Variants in PLCB1 observed in about 807,000 individuals in gnomAD.
PLCB1 encodes phospholipase C beta 1.
Under a neutral mutation model 161.8 loss-of-function variants are expected in PLCB1, and 46 were observed. The ratio of observed to expected loss-of-function variants is 0.28; its 90% CI spans 0.22 to 0.36. The LOEUF (loss-of-function observed/expected upper bound fraction) is 0.36, where lower values mean the gene tolerates loss of function less well. PLCB1 is among the 10% of genes least tolerant of loss of function. PLCB1 has a pLI of 1.00. For synonymous variants in PLCB1, 517 were observed against 503.7 expected (o/e 1.03, Z -0.35); for missense variants, 1,016 against 1,472.5 (o/e 0.69, Z 5.07).
intron 2 of PLCB1, among the ~76,000 whole-genome samples, chr20:8,264,870 T>C (rs1981876776): frequency 6.6e-6 from 1 of 152,144 alleles, no homozygotes; most frequent in Admixed American, 6.6e-5. Flanking sequence ...TCTAAAGAAT[T>C]TTGGTGCTTT....
rs189938093 is a variant in PLCB1 at position 8,831,642 on chromosome 20, A to G, written c.3423+41381A>G. On this transcript the variant is annotated intron_variant, in intron 31 of 31. Coordinates refer to ENST00000338037, the MANE Select transcript of PLCB1 (RefSeq NM_015192.4). ...AGTTTTCGTTGTTACTTATTTATTT[A>G]TTTTAGAGACAAACTCTCACTCTGT... 4.6e-5 allele frequency among the ~76,000 whole-genome samples: 7 copies of G among 152,116 alleles called. No homozygotes were observed. The East Asian group carries it at 1.2e-3, about 25-fold the overall frequency.
chr20:8,855,224 A>C (rs1413481649), intron 31 of PLCB1, among the ~76,000 whole-genome samples: 1 of 151,050 alleles, frequency 6.6e-6, no homozygotes, highest in African/African-American at 2.5e-5. Flanking sequence ...TTCCCCCCCC[A>C]CTCACTCCCA....
chr20:8,794,413 C>T (rs1420394524), intron 31 of PLCB1, among the ~76,000 whole-genome samples: 1 of 152,240 alleles, frequency 6.6e-6, no homozygotes, highest in Non-Finnish European at 1.5e-5. Context: ...CCACGTTCTT[C>T]TGCCATGGCT....
At chr20:8,173,516 A>C (rs1295846586) in intron 2 of PLCB1, among the ~76,000 whole-genome samples, 2 of 152,196 alleles carry the variant, frequency 1.3e-5, no homozygotes, top group African/African-American at 4.8e-5. Flanking sequence ...AACTTAAACC[A>C]GGGTGACTAC....
At chr20:8,368,299 G>A (rs771605819) in intron 2 of PLCB1, among the ~76,000 whole-genome samples, 11 of 152,016 alleles carry the variant, frequency 7.2e-5, no homozygotes, top group Non-Finnish European at 1.0e-4. Context: ...AGCCCGAGGC[G>A]AGTGGATCAC....
intron 6 of PLCB1, among the ~76,000 whole-genome samples, chr20:8,648,819 T>C (rs1989234781): frequency 6.6e-6 from 1 of 151,922 alleles, no homozygotes; most frequent in Admixed American, 6.5e-5. Flanking sequence ...CACATGCCTG[T>C]AGTTCTAACT....
At chr20:8,315,751 C>T (rs1984616532) in intron 2 of PLCB1, among the ~76,000 whole-genome samples, 1 of 152,126 alleles carries the variant, frequency 6.6e-6, no homozygotes, top group Non-Finnish European at 1.5e-5. Flanking sequence ...GACAGCCAGC[C>T]AAGCCAAAAT....
At chr20:8,208,875 A>G (rs900473797) in intron 2 of PLCB1, among the ~76,000 whole-genome samples, 1 of 152,174 alleles carries the variant, frequency 6.6e-6, no homozygotes, top group Non-Finnish European at 1.5e-5. Flanking sequence ...ATCCAAAGCC[A>G]CTGATCAATT....
At chr20:8,551,361 A>T (rs1240747675) in intron 3 of PLCB1, among the ~76,000 whole-genome samples, 1 of 152,182 alleles carries the variant, frequency 6.6e-6, no homozygotes, top group Non-Finnish European at 1.5e-5. Flanking sequence ...GTTTTTATGT[A>T]CTTTGTGTTC....
chr20:8,781,872 C>T (rs1351125512), intron 27 of PLCB1, among the ~76,000 whole-genome samples: 1 of 152,004 alleles, frequency 6.6e-6, no homozygotes, highest in Non-Finnish European at 1.5e-5. Flanking sequence ...AAAGACCCAC[C>T]CCCATAATTC....
At chr20:8,867,653 G>A (rs150128059) in intron 31 of PLCB1, among the ~76,000 whole-genome samples, 43 of 152,168 alleles carry the variant, frequency 2.8e-4, no homozygotes, top group African/African-American at 9.2e-4. Context: ...CCTCATGTGC[G>A]GCTAAATCAG....
chr20:8,822,309 AG>A, intron 31 of PLCB1, among the ~76,000 whole-genome samples: 1 of 152,324 alleles, frequency 6.6e-6, no homozygotes, highest in Admixed American at 6.5e-5. Flanking sequence ...TTCATCCAAA[AG>A]ATATTTATTA....
At chr20:8,223,221 T>C (rs1979507805) in intron 2 of PLCB1, among the ~76,000 whole-genome samples, 2 of 152,206 alleles carry the variant, frequency 1.3e-5, no homozygotes, top group African/African-American at 4.8e-5. Context: ...TCAGGGAATT[T>C]GTGCTTCAGA....
chr20:8,630,005 T>TCTTTCTTTCTTC lies in PLCB1; in HGVS notation c.384+1580_384+1581insTTCTTCCTTTCT, dbSNP rs746185755. Reference sequence around the variant, plus strand: ...TTCTTTCTTTCTTTCTTTCTTTCTTTCTTTCTCTTTCTTCTTTCCTTTCTT... The same window carrying TCTTTCTTTCTTC: ...TTCTTTCTTTCTTTCTTTCTTTCTTTCTTTCTTTCTTCCTTTCTCTTTCTTCTTTCCTTTCTT... On this transcript the variant is annotated intron_variant, in intron 4 of 31. Transcript: ENST00000338037. Among the ~76,000 whole-genome samples, 179 of 122,974 alleles carry TCTTTCTTTCTTC rather than the reference T, an allele frequency of 1.5e-3. 2 individuals are homozygous for TCTTTCTTTCTTC. The highest frequency in any genetic ancestry group is 4.3e-3 in the Middle Eastern group (1 of 234). The allele number at this position is 122,974 out of a possible 152,430, so 80.7% of individuals were successfully genotyped here.
chr20:8,838,284 C>T (rs1321340849), intron 31 of PLCB1, among the ~76,000 whole-genome samples: 1 of 152,072 alleles, frequency 6.6e-6, no homozygotes, highest in Admixed American at 6.6e-5. Context: ...GGTGTTTTAC[C>T]AGGTGACTAT....
chr20:8,708,613 A>G (rs1978822546), intron 11 of PLCB1, 57 bp from the exon 12 acceptor site: 3 of 1,038,068 alleles, frequency 2.9e-6, no homozygotes, highest in Non-Finnish European at 4.5e-6. Context: ...ATACCTTTCA[A>G]GAATATACAG....
chr20:8,868,707 C>A (rs1483480760), intron 31 of PLCB1, among the ~76,000 whole-genome samples: 15 of 152,328 alleles, frequency 9.8e-5, no homozygotes, highest in African/African-American at 2.6e-4. Context: ...TCTTGGCTCA[C>A]TTCAACCTCC....
At chr20:8,589,821 G>A (rs1161966292) in intron 3 of PLCB1, among the ~76,000 whole-genome samples, 3 of 151,546 alleles carry the variant, frequency 2.0e-5, no homozygotes, top group African/African-American at 7.3e-5. Context: ...GTCTCATTAT[G>A]TTGCTTAGGT....
rs1339002472 is a variant in PLCB1 at position 8,684,950 on chromosome 20, G to C, written c.881G>C (p.Gly294Ala). 2 of 1,613,728 alleles carry C rather than the reference G, an allele frequency of 1.2e-6. No individual in the cohort carries two copies. Among genetic ancestry groups the C allele is most frequent in the Middle Eastern group, 1.7e-4 (1 of 6,060 alleles). Reference protein sequence around the residue: ...LARKGQISVDGFMRYLSGEEN... With the variant: ...LARKGQISVDAFMRYLSGEEN... Reference sequence around the variant, plus strand: ...CCTCCAGGACAAATATCAGTGGATGGGTTCATGCGCTATCTGAGTGGAGAA... The same window carrying C: ...CCTCCAGGACAAATATCAGTGGATGCGTTCATGCGCTATCTGAGTGGAGAA... Residue 294 changes from glycine (G) to alanine (A), a missense_variant, in exon 10 of 32, where the codon GGG becomes GCG. Coordinates refer to ENST00000338037, the MANE Select transcript of PLCB1 (RefSeq NM_015192.4).
Sources: gnomAD v4.1 joint callset for allele counts (sites outside exome capture counted in the v4.1 genomes callset) on GRCh38, gnomAD v4.1.1 for gene constraint, MANE v1.5 for transcripts, NCBI Gene and HGNC (gene_info 2026-07-23, HGNC 2026-07-21) for gene names.